The following NDUFS4 variants were observed in gnomAD, a reference collection of about 807,000 sequenced individuals.
NDUFS4 encodes NADH dehydrogenase [ubiquinone] iron-sulfur protein 4, mitochondrial.
NDUFS4 carries 28 observed loss-of-function variants against 24.3 expected under a neutral mutation model. The ratio of observed to expected loss-of-function variants is 1.15; its 90% CI spans 0.85 to 1.58. The LOEUF is 1.58. Among genes scored for constraint, NDUFS4 ranks in the 40% most tolerant of loss-of-function variants. NDUFS4 has a pLI of 0.00. For missense variants in NDUFS4, 223 were observed against 207.9 expected, an observed-to-expected ratio of 1.07 and a Z score of -0.45; for synonymous variants, 93 against 69.7, an observed-to-expected ratio of 1.34 and a Z score of -1.67.
intron 2 of NDUFS4, among the ~76,000 whole-genome samples, chr5:53,626,404 G>A (rs557557650): frequency 6.6e-6 from 1 of 152,212 alleles, no homozygotes; most frequent in South Asian, 2.1e-4. Context: ...CCAGTAATGG[G>A]ATTGCTGGGT....
At chr5:53,586,813 G>A (rs774235563) in intron 1 of NDUFS4, among the ~76,000 whole-genome samples, 2 of 151,914 alleles carry the variant, frequency 1.3e-5, no homozygotes, top group African/African-American at 2.4e-5. Context: ...GTGAGCCACC[G>A]TGCCCAGCCT....
At chr5:53,632,468 A>G (rs1304197405) in intron 2 of NDUFS4, among the ~76,000 whole-genome samples, 1 of 152,154 alleles carries the variant, frequency 6.6e-6, no homozygotes, top group African/African-American at 2.4e-5. Context: ...ACAGAGTCTC[A>G]TTGTAGACAA....
intron 1 of NDUFS4, among the ~76,000 whole-genome samples, chr5:53,600,362 T>A (rs562957519): frequency 7.2e-4 from 109 of 151,936 alleles, no homozygotes; most frequent in Middle Eastern, 3.4e-3. Context: ...CAGGCTGGAG[T>A]GCAGTGGTGC....
intron 1 of NDUFS4, among the ~76,000 whole-genome samples, chr5:53,582,466 A>T (rs910152529): frequency 1.3e-5 from 2 of 152,292 alleles, no homozygotes; most frequent in East Asian, 1.9e-4. Flanking sequence ...CCATGTATAC[A>T]TGCCAGTTCA....
At chr5:53,573,672 C>T (rs1005510743) in intron 1 of NDUFS4, 1 of 421,660 alleles carries the variant, frequency 2.4e-6, no homozygotes. Flanking sequence ...CACTACATCC[C>T]TGAGCTCCTG....
chr5:53,590,269 C>T (rs913638614), intron 1 of NDUFS4, among the ~76,000 whole-genome samples: 1 of 152,106 alleles, frequency 6.6e-6, no homozygotes, highest in African/African-American at 2.4e-5. Flanking sequence ...TGTGTTTTGT[C>T]TGTTACATTT....
intron 3 of NDUFS4, 137 bp from the exon 4 acceptor site, chr5:53,658,414 A>C: frequency 3.1e-6 from 2 of 646,994 alleles, no homozygotes; most frequent in South Asian, 4.2e-5. Flanking sequence ...AACAGTTTTA[A>C]AGAAATTATT....
chr5:53,600,871 AT>A (rs1345359300), intron 1 of NDUFS4, among the ~76,000 whole-genome samples: 1 of 151,986 alleles, frequency 6.6e-6, no homozygotes, highest in Non-Finnish European at 1.5e-5. Flanking sequence ...CCTATCTTAA[AT>A]TTTTTTACAA....
chr5:53,644,024 G>C (rs1751774467), intron 2 of NDUFS4, among the ~76,000 whole-genome samples: 1 of 152,090 alleles, frequency 6.6e-6, no homozygotes, highest in Non-Finnish European at 1.5e-5. Flanking sequence ...TTTAAAAAAG[G>C]TTTTCTATAT....
chr5:53,610,615 C>T (rs1277136017), intron 2 of NDUFS4, among the ~76,000 whole-genome samples: 1 of 152,100 alleles, frequency 6.6e-6, no homozygotes, highest in African/African-American at 2.4e-5. Context: ...TGAGGTATGC[C>T]TGTATCTTTT....
In NDUFS4 at chr5:53,560,683, A is replaced by G. The variant is rs1748803454; in HGVS notation, c.21A>G (p.Ser7=). MAAVSM[S]VVLRQTLWRR... ...GCAAGATGGCGGCGGTGTCAATGTC[A>G]GTGGTACTGAGGCAGACGTTGTGGC... Residue 7 remains serine, a synonymous_variant, in exon 1 of 5, where the codon TCA becomes TCG. Coordinates refer to ENST00000296684, the MANE Select transcript of NDUFS4 (RefSeq NM_002495.4). The G allele has an allele frequency of 5.0e-6, 8 of 1,614,126 alleles. No homozygotes were observed. The highest frequency in any genetic ancestry group is 4.4e-5 in the South Asian group (4 of 91,092).
chr5:53,600,230 C>T (rs771094972), intron 1 of NDUFS4, among the ~76,000 whole-genome samples: 14 of 151,926 alleles, frequency 9.2e-5, no homozygotes, highest in Non-Finnish European at 1.8e-4. Context: ...AACTCCTGAA[C>T]TTAGGTGATC....
intron 2 of NDUFS4, among the ~76,000 whole-genome samples, chr5:53,633,561 G>A (rs555841386): frequency 2.0e-5 from 3 of 152,108 alleles, no homozygotes; most frequent in Admixed American, 6.5e-5. Context: ...TCTAGCCTAC[G>A]CATAAAAACA....
chr5:53,582,275 A>G (rs1749594949), intron 1 of NDUFS4, among the ~76,000 whole-genome samples: 1 of 152,074 alleles, frequency 6.6e-6, no homozygotes, highest in Non-Finnish European at 1.5e-5. Flanking sequence ...ATAGCTATAT[A>G]CACATTTAAG....
chr5:53,626,256 T>C (rs900497798), intron 2 of NDUFS4, among the ~76,000 whole-genome samples: 5 of 152,334 alleles, frequency 3.3e-5, no homozygotes, highest in Admixed American at 3.3e-4. Flanking sequence ...ATGGTGTATA[T>C]GTGCCACATT....
chr5:53,565,504 A>G (rs1748990769), intron 1 of NDUFS4, among the ~76,000 whole-genome samples: 1 of 152,228 alleles, frequency 6.6e-6, no homozygotes, highest in Non-Finnish European at 1.5e-5. Context: ...CTTATCTTAC[A>G]GATGAATAAA....
chr5:53,585,661 G>A (rs1749727035), intron 1 of NDUFS4, among the ~76,000 whole-genome samples: 1 of 151,882 alleles, frequency 6.6e-6, no homozygotes, highest in African/African-American at 2.4e-5. Context: ...AGAATTACTT[G>A]AACCTGGGAG....
At chr5:53,610,195 T>C (rs1348434558) in intron 2 of NDUFS4, among the ~76,000 whole-genome samples, 1 of 152,162 alleles carries the variant, frequency 6.6e-6, no homozygotes, top group Non-Finnish European at 1.5e-5. Flanking sequence ...ACTTGAACTC[T>C]TATTGTTGGG....
At chr5:53,671,951 T>C (rs1740266636) in intron 4 of NDUFS4, among the ~76,000 whole-genome samples, 1 of 152,190 alleles carries the variant, frequency 6.6e-6, no homozygotes, top group South Asian at 2.1e-4. Context: ...GAAGGTTTCT[T>C]TCAGGAATAG....
Sources: allele counts gnomAD v4.1 joint callset (sites outside exome capture counted in the v4.1 genomes callset), GRCh38; gene constraint gnomAD v4.1.1; transcripts MANE v1.5; gene names NCBI Gene and HGNC (gene_info 2026-07-23, HGNC 2026-07-21).